CDC14A: variants seen among roughly 807,000 people sequenced by gnomAD.
CDC14A encodes cell division cycle 14A.
CDC14A carries 53 observed loss-of-function variants against 74.4 expected under a neutral mutation model. That is an observed-to-expected ratio of 0.71 (90% CI 0.57 to 0.89). The LOEUF is 0.89. Ranked by LOEUF, CDC14A falls within the 40% of genes least tolerant of loss-of-function variation. The probability of loss-of-function intolerance (pLI) is 0.00; values close to 1 mark genes in which losing one functional copy is unlikely to be tolerated. For synonymous variants in CDC14A, 247 were observed against 258.4 expected, an observed-to-expected ratio of 0.96 and a Z score of 0.43; for missense variants, 646 against 713.7, an observed-to-expected ratio of 0.91 and a Z score of 1.08.
chr1:100,504,692 G>A (rs1649077731), intron 15 of CDC14A: 2 of 702,616 alleles, frequency 2.8e-6, no homozygotes, highest in South Asian at 1.7e-5. Flanking sequence ...GTCCCTTAGT[G>A]CTAGAACATA....
intron 11 of CDC14A, among the ~76,000 whole-genome samples, chr1:100,493,935 AC>A (rs1647385868): frequency 6.6e-6 from 1 of 152,104 alleles, no homozygotes; most frequent in African/African-American, 2.4e-5. Flanking sequence ...AGGGGAGGGG[AC>A]TATTACGGCT....
At chr1:100,412,728 T>TATATATATATATATAAAAA (rs1557732405) in intron 4 of CDC14A, among the ~76,000 whole-genome samples, 3 of 98,234 alleles carry the variant, frequency 3.1e-5, no homozygotes, top group Non-Finnish European at 5.9e-5. Context: ...ATATATTTTA[T>TATATATATATATATAAAAA]ATATATATAT....
intron 4 of CDC14A, among the ~76,000 whole-genome samples, chr1:100,402,645 T>C (rs1354304983): frequency 6.6e-6 from 1 of 152,186 alleles, no homozygotes; most frequent in African/African-American, 2.4e-5. Context: ...ATATTTCAGT[T>C]GGAGAATCTG....
At chr1:100,427,622 T>G (rs1016739172) in intron 5 of CDC14A, among the ~76,000 whole-genome samples, 1 of 152,216 alleles carries the variant, frequency 6.6e-6, no homozygotes, top group African/African-American at 2.4e-5. Flanking sequence ...TTTGTTTGCA[T>G]GGCTGACTCT....
chr1:100,419,750 T>C (rs1001336999), intron 4 of CDC14A, among the ~76,000 whole-genome samples: 6 of 152,112 alleles, frequency 3.9e-5, no homozygotes. Context: ...TTGAAGGAAT[T>C]TAATTGACTA....
intron 2 of CDC14A, among the ~76,000 whole-genome samples, chr1:100,376,746 G>A (rs1006064073): frequency 6.6e-6 from 1 of 152,174 alleles, no homozygotes; most frequent in Non-Finnish European, 1.5e-5. Context: ...GGAGGAGCCA[G>A]TGTGTCTTAT....
chr1:100,484,589 T>C, intron 11 of CDC14A, 138 bp downstream of exon 11: 2 of 1,278,914 alleles, frequency 1.6e-6, no homozygotes, highest in Non-Finnish European at 2.0e-6. Context: ...GCCATCCGTC[T>C]ATATAGCAAG....
At chr1:100,473,034 T>G (rs74103199) in intron 10 of CDC14A, among the ~76,000 whole-genome samples, 363 of 140,352 alleles carry the variant, frequency 2.6e-3, no homozygotes, top group African/African-American at 0.012. Flanking sequence ...CAAAATATTC[T>G]TAGCAATTCC....
intron 2 of CDC14A, among the ~76,000 whole-genome samples, chr1:100,368,123 C>T (rs529719418): frequency 1.8e-4 from 27 of 152,206 alleles, no homozygotes; most frequent in African/African-American, 6.3e-4. Context: ...ATCTATACTT[C>T]GTTTATGGTA....
chr1:100,424,229 A>G lies in CDC14A; in HGVS notation c.317A>G (p.Tyr106Cys), dbSNP rs192494356. 6 of 1,610,744 alleles carry G rather than the reference A, an allele frequency of 3.7e-6. No homozygotes were observed. The highest frequency in any genetic ancestry group is 1.7e-5 in the Admixed American group (1 of 59,992). Residue 106 changes from tyrosine (Y) to cysteine (C), a missense_variant, in exon 5 of 16, where the codon TAT (tyrosine) becomes TGT (cysteine). Transcript: ENST00000336454. ...AFLIGAYAVI[Y>C]LKKTPEEAYR... ...ACTATTTATCTGTCTTAGGTAATCT[A>G]TTTAAAGAAGACACCAGAAGAAGCC...
chr1:100,478,085 T>G (rs1463785756), intron 10 of CDC14A, among the ~76,000 whole-genome samples: 1 of 152,228 alleles, frequency 6.6e-6, no homozygotes, highest in Non-Finnish European at 1.5e-5. Flanking sequence ...AGCTCTCTAT[T>G]TGCAAAACAA....
chr1:100,432,002 T>C (rs541690671), intron 5 of CDC14A, among the ~76,000 whole-genome samples: 2 of 152,324 alleles, frequency 1.3e-5, no homozygotes, highest in East Asian at 3.9e-4. Context: ...AAGCCATGAC[T>C]TTAGAATTGA....
intron 4 of CDC14A, among the ~76,000 whole-genome samples, chr1:100,407,645 A>T (rs28361216): frequency 4.6e-3 from 704 of 152,254 alleles, no homozygotes; most frequent in Non-Finnish European, 8.2e-3. Context: ...TGTCATCTGC[A>T]AACAAAGATA....
chr1:100,515,638 G>T (rs1650150427), intron 15 of CDC14A, among the ~76,000 whole-genome samples: 2 of 151,676 alleles, frequency 1.3e-5, no homozygotes. Context: ...ACCCGCCTCG[G>T]CCTCCCAAAG....
In CDC14A at chr1:100,443,000, T is replaced by G; in HGVS notation, c.519+4T>G. 1 of 1,567,674 alleles carries G rather than the reference T, an allele frequency of 6.4e-7. No individual in the cohort carries two copies. The highest frequency in any genetic ancestry group is 8.8e-7 in the Non-Finnish European group (1 of 1,140,280). ...GGATGAATATGAACATTATGAGGTT[T>G]GTACATTTAATTTTTTTTACAAAAC... On this transcript the variant is annotated splice_donor_region_variant and intron_variant, in intron 7 of 15. Coordinates refer to ENST00000336454, the MANE Select transcript of CDC14A (RefSeq NM_003672.4).
intron 2 of CDC14A, among the ~76,000 whole-genome samples, chr1:100,372,956 A>T (rs12088125): frequency 0.13 from 19,848 of 152,194 alleles, 1,506 homozygotes; most frequent in Non-Finnish European, 0.16. Flanking sequence ...AACTTTCTCC[A>T]TATCAGCAAT....
chr1:100,507,235 C>T (rs1474004413), intron 15 of CDC14A, among the ~76,000 whole-genome samples: 1 of 152,144 alleles, frequency 6.6e-6, no homozygotes, highest in African/African-American at 2.4e-5. Flanking sequence ...GCACTGCTGC[C>T]AGAATCCACT....
intron 2 of CDC14A, among the ~76,000 whole-genome samples, chr1:100,362,387 T>C (rs1652874602): frequency 6.6e-6 from 1 of 152,224 alleles, no homozygotes; most frequent in South Asian, 2.1e-4. Context: ...AAATTTTTAA[T>C]TGGCATAATT....
At chr1:100,453,969 T>A (rs958237545) in intron 7 of CDC14A, among the ~76,000 whole-genome samples, 1 of 152,240 alleles carries the variant, frequency 6.6e-6, no homozygotes, top group Non-Finnish European at 1.5e-5. Context: ...TACAACTAGA[T>A]TAAATGCAGT....
Sources: gnomAD v4.1 joint callset for allele counts (sites outside exome capture counted in the v4.1 genomes callset) on GRCh38, gnomAD v4.1.1 for gene constraint, MANE v1.5 for transcripts, NCBI Gene and HGNC (gene_info 2026-07-23, HGNC 2026-07-21) for gene names.